Variants in PTBP3 observed in about 807,000 individuals in gnomAD.
PTBP3 encodes the protein polypyrimidine tract-binding protein 3.
PTBP3 carries 20 observed loss-of-function variants against 58.7 expected under a neutral mutation model. That is an observed-to-expected ratio of 0.34 (90% confidence interval 0.24 to 0.50). The LOEUF (loss-of-function observed/expected upper bound fraction) is 0.50, where lower values mean the gene tolerates loss of function less well. Ranked by LOEUF, PTBP3 falls within the 20% of genes least tolerant of loss-of-function variation. The pLI is 0.98. For missense variants in PTBP3, 509 were observed against 637.2 expected, an observed-to-expected ratio of 0.80 and a Z score of 2.17; for synonymous variants, 185 against 219.8, an observed-to-expected ratio of 0.84 and a Z score of 1.40.
chr9:112,320,314 A>ATATATATATATATATATATATATATTTT, intron 1 of PTBP3, among the ~76,000 whole-genome samples: 2 of 75,688 alleles, frequency 2.6e-5, no homozygotes, highest in South Asian at 4.9e-4. Context: ...ATATATATAT[A>ATATATATATATATATATATATATATTTT]TTTTTTTTTA....
At chr9:112,227,142 AT>A (rs1212209597) in intron 12 of PTBP3, among the ~76,000 whole-genome samples, 1 of 152,106 alleles carries the variant, frequency 6.6e-6, no homozygotes, top group Non-Finnish European at 1.5e-5. Context: ...TCTGCCTAGA[AT>A]TTTTTTTATG....
At chr9:112,367,134 C>G in the PTBP3 span, among the ~76,000 whole-genome samples, 2 of 152,112 alleles carry the variant, frequency 1.3e-5, no homozygotes, top group African/African-American at 4.8e-5. Context: ...ACTTTTCTTC[C>G]CACATTTTAT....
the PTBP3 span, among the ~76,000 whole-genome samples, chr9:112,355,889 AT>A: frequency 2.0e-5 from 3 of 152,056 alleles, no homozygotes; most frequent in Non-Finnish European, 4.4e-5. Context: ...AGTGCTGGGA[AT>A]ACAGGCAGGA....
the PTBP3 span, among the ~76,000 whole-genome samples, chr9:112,377,529 AGTT>A: frequency 6.6e-6 from 1 of 152,190 alleles, no homozygotes; most frequent in Non-Finnish European, 1.5e-5. Context: ...CTCTTCCTTA[AGTT>A]ATATAAACTA....
At chr9:112,300,630 T>C (rs1564446388) in intron 1 of PTBP3, among the ~76,000 whole-genome samples, 2 of 152,108 alleles carry the variant, frequency 1.3e-5, no homozygotes, top group African/African-American at 2.4e-5. Flanking sequence ...CGGGCGCCTG[T>C]AGTCCCAGCT....
At chr9:112,333,765 C>G (rs1830492120), upstream of PTBP3, 1 of 298,594 alleles carries the variant, frequency 3.3e-6, no homozygotes, top group Non-Finnish European at 6.1e-6. Flanking sequence ...TCGCGCCCAC[C>G]CTCGCCCCGC....
intron 1 of PTBP3, among the ~76,000 whole-genome samples, chr9:112,319,856 G>A (rs1179003685): frequency 6.6e-6 from 1 of 152,150 alleles, no homozygotes; most frequent in Non-Finnish European, 1.5e-5. Context: ...TAAAAAGAAG[G>A]AAATCCTGTC....
At chr9:112,326,156 G>C (rs780947575) in intron 1 of PTBP3, among the ~76,000 whole-genome samples, 46 of 152,218 alleles carry the variant, frequency 3.0e-4, no homozygotes, top group Non-Finnish European at 6.0e-4. Flanking sequence ...GGAAACACTA[G>C]TGGATACAAG....
intron 1 of PTBP3, among the ~76,000 whole-genome samples, chr9:112,307,746 A>G (rs1164710757): frequency 2.6e-5 from 4 of 152,190 alleles, no homozygotes; most frequent in African/African-American, 9.6e-5. Flanking sequence ...CTTTTTTGAT[A>G]TTATGAAGGC....
the PTBP3 span, among the ~76,000 whole-genome samples, chr9:112,340,694 A>C: frequency 1.1e-4 from 16 of 151,952 alleles, no homozygotes; most frequent in Non-Finnish European, 2.1e-4. Context: ...ACCAGCCTCA[A>C]CATGGAGAAA....
chr9:112,342,171 C>G, the PTBP3 span, among the ~76,000 whole-genome samples: 1 of 152,186 alleles, frequency 6.6e-6, no homozygotes, highest in South Asian at 2.1e-4. Flanking sequence ...AGTTCTCCAG[C>G]CTTTGGACTC....
intron 1 of PTBP3, among the ~76,000 whole-genome samples, chr9:112,311,566 C>G (rs187892664): frequency 6.6e-6 from 1 of 152,206 alleles, no homozygotes; most frequent in Admixed American, 6.5e-5. Flanking sequence ...TACATGCAGG[C>G]AGACTTCACC....
At chr9:112,347,453 C>T in the PTBP3 span, among the ~76,000 whole-genome samples, 36 of 151,490 alleles carry the variant, frequency 2.4e-4, no homozygotes, top group Non-Finnish European at 1.2e-4. Flanking sequence ...ATGATCCTCC[C>T]ACCTCAGCCT....
At chr9:112,239,982 G>A (rs1390348870) in intron 7 of PTBP3, among the ~76,000 whole-genome samples, 1 of 152,020 alleles carries the variant, frequency 6.6e-6, no homozygotes. Context: ...TGGGAGAAAA[G>A]TACTCCAGGC....
chr9:112,220,236 A>C lies in PTBP3; in HGVS notation c.*3615T>G. On this transcript the variant is annotated 3_prime_UTR_variant, in exon 14 of 14. Coordinates refer to ENST00000374257, the MANE Select transcript of PTBP3 (RefSeq NM_001163788.4). The stretch of plus-strand genomic sequence containing the variant: ...GAAACTGCATGACAATATGCTAAAC[A>C]TGTAAGCACTGCTGACTGATGGCAC... The C allele has an allele frequency of 7.4e-7, 1 of 1,347,282 alleles. No homozygotes were observed. Among genetic ancestry groups the C allele is most frequent in the Non-Finnish European group, 9.8e-7 (1 of 1,019,796 alleles). 83.5% of individuals were successfully genotyped at this position (1,347,282 alleles called of 1,614,324 possible). A position where few individuals can be genotyped will look rare whatever the true frequency, so the allele number is the denominator to read the frequency against.
chr9:112,256,284 T>C (rs1028874155), intron 5 of PTBP3, among the ~76,000 whole-genome samples: 9 of 58,908 alleles, frequency 1.5e-4, no homozygotes, highest in South Asian at 3.9e-4. Context: ...TATATATATA[T>C]ATATATATAC....
At chr9:112,345,625 C>T in the PTBP3 span, among the ~76,000 whole-genome samples, 1 of 151,880 alleles carries the variant, frequency 6.6e-6, no homozygotes, top group South Asian at 2.1e-4. Context: ...AAGCGATCCA[C>T]CCACATTGGC....
chr9:112,240,814 T>A (rs1421885545), intron 7 of PTBP3, among the ~76,000 whole-genome samples: 1 of 152,140 alleles, frequency 6.6e-6, no homozygotes, highest in Non-Finnish European at 1.5e-5. Flanking sequence ...GACAGTGATA[T>A]TGACAATCCT....
At chr9:112,239,608 G>A (rs1835563171) in intron 7 of PTBP3, among the ~76,000 whole-genome samples, 1 of 151,788 alleles carries the variant, frequency 6.6e-6, no homozygotes, top group Non-Finnish European at 1.5e-5. Context: ...GTATCTGCCT[G>A]TATTCCCAGC....
Sources: allele counts gnomAD v4.1 joint callset (sites outside exome capture counted in the v4.1 genomes callset), GRCh38; gene constraint gnomAD v4.1.1; transcripts MANE v1.5; gene names NCBI Gene and HGNC (gene_info 2026-07-23, HGNC 2026-07-21).